The following DNAJB6 variants were observed in gnomAD, a reference collection of about 807,000 sequenced individuals.
The protein encoded by DNAJB6 is DnaJ heat shock protein family (Hsp40) member B6.
In DNAJB6, 16 loss-of-function variants were observed where a neutral mutation model predicts 42.7. The observed-to-expected ratio is 0.37, with a 90% CI of 0.25 to 0.57. DNAJB6 has a LOEUF of 0.57. DNAJB6 is among the 20% of genes least tolerant of loss of function. The pLI, the probability that DNAJB6 is intolerant of heterozygous loss-of-function variation, is 0.74. For synonymous variants in DNAJB6, 170 were observed against 163.5 expected, an observed-to-expected ratio of 1.04 and a Z score of -0.30; for missense variants, 347 against 416.8, an observed-to-expected ratio of 0.83 and a Z score of 1.46.
At chr7:157,407,512 G>A (rs972280498) in intron 8 of DNAJB6, among the ~76,000 whole-genome samples, 12 of 152,322 alleles carry the variant, frequency 7.9e-5, no homozygotes, top group African/African-American at 2.4e-4. Flanking sequence ...AGGCAGGAAC[G>A]GGCTTAGCAC....
At chr7:157,343,637 CG>C in intron 1 of DNAJB6, among the ~76,000 whole-genome samples, 1 of 152,106 alleles carries the variant, frequency 6.6e-6, no homozygotes, top group East Asian at 1.9e-4. Context: ...TTAGTAGAGA[CG>C]GGGTTTCACC....
At position 157,384,913 on chromosome 7, in the gene DNAJB6, C is replaced by A; in HGVS notation, c.525C>A (p.Phe175Leu). 1 of 1,613,672 alleles carries A rather than the reference C, an allele frequency of 6.2e-7. No homozygotes were observed. Among genetic ancestry groups the A allele is most frequent in the East Asian group, 2.2e-5 (1 of 44,880 alleles). Residue 175 changes from phenylalanine to leucine, a missense_variant, in exon 7 of 10, where the codon TTC becomes TTA. Transcript: ENST00000262177. ...GSLGHGGLTSFSSTSFGGSGM... is the reference protein window; with the variant it reads ...GSLGHGGLTSLSSTSFGGSGM... The stretch of plus-strand genomic sequence containing the variant: ...TAGGTCACGGGGGCCTCACTTCATT[C>A]TCTTCCACGTCATTTGGTGGTAGTG...
chr7:157,357,137 A>T (rs1421103891), intron 1 of DNAJB6, among the ~76,000 whole-genome samples: 4 of 141,664 alleles, frequency 2.8e-5, no homozygotes, highest in South Asian at 2.2e-4. Context: ...TGTCTCAATT[A>T]AAAAAAAAAA....
chr7:157,382,371 G>C lies in DNAJB6; in HGVS notation c.472G>C (p.Asp158His). The C allele has an allele frequency of 6.9e-7, 1 of 1,445,416 alleles. No homozygotes were observed. The highest frequency in any genetic ancestry group is 9.3e-7 in the Non-Finnish European group (1 of 1,075,232). 89.5% of individuals were successfully genotyped at this position (1,445,416 alleles called of 1,614,324 possible). A position where few individuals can be genotyped will look rare whatever the true frequency, so the allele number is the denominator to read the frequency against. ...TTTTGGAAGTGGATTTTCTTCTTTT[G>C]ATACAGGTATTAAATCCCTAGGTTT... ...PSFGSGFSSF[D>H]TGFTSFGSLG... Residue 158 changes from aspartate to histidine, a missense_variant, in exon 6 of 10, where the codon GAT becomes CAT. Physicochemically the swap from Asp to His is moderately conservative, Grantham distance 81. This residue lies in a region of DNAJB6 where 264 missense variants were observed against 288.0 expected (regional missense o/e 0.92). Transcript: ENST00000262177.
chr7:157,338,150 C>T (rs993495837), intron 1 of DNAJB6, among the ~76,000 whole-genome samples: 3 of 152,126 alleles, frequency 2.0e-5, no homozygotes, highest in African/African-American at 7.2e-5. Flanking sequence ...AGAGTGAAGA[C>T]CGAAGAAAGG....
chr7:157,351,669 A>C (rs200620094), intron 1 of DNAJB6, among the ~76,000 whole-genome samples: 1,779 of 151,328 alleles, frequency 0.012, 31 homozygotes, highest in East Asian at 0.065. Context: ...AACAAAAAAA[A>C]CCACAAAACT....
At chr7:157,354,404 C>T (rs925866450) in intron 1 of DNAJB6, among the ~76,000 whole-genome samples, 6 of 152,196 alleles carry the variant, frequency 3.9e-5, no homozygotes, top group Non-Finnish European at 7.3e-5. Flanking sequence ...ACCTTGGCCT[C>T]CCAAAGTGCT....
chr7:157,416,713 AT>A lies in DNAJB6; in HGVS notation c.*616del, dbSNP rs1796113663. The A allele has an allele frequency of 6.6e-6, 1 of 152,162 alleles. No individual in the cohort carries two copies. Among genetic ancestry groups the A allele is most frequent in the Non-Finnish European group, 1.5e-5 (1 of 68,062 alleles). The allele number at this position is 152,162 out of a possible 1,614,324, so 9.4% of individuals were successfully genotyped here. On this transcript the variant is annotated 3_prime_UTR_variant, in exon 10 of 10. Transcript: ENST00000262177. ...AGGTAGTGCAAATTCAACTTCAAAT[AT>A]GGTGTAGGTTTTGCTAGATTCCATA...
chr7:157,382,370 T>A lies in DNAJB6; in HGVS notation c.471T>A (p.Phe157Leu). The A allele has an allele frequency of 1.2e-6, 2 of 1,609,504 alleles. No homozygotes were observed. The highest frequency in any genetic ancestry group is 1.1e-5 in the South Asian group (1 of 90,366). The part of the protein sequence containing the change: ...FPSFGSGFSS[F>L]DTGFTSFGSL... ...CTTTTGGAAGTGGATTTTCTTCTTTTGATACAGGTATTAAATCCCTAGGTT... is the reference window on the plus strand; with the variant it reads ...CTTTTGGAAGTGGATTTTCTTCTTTAGATACAGGTATTAAATCCCTAGGTT... Residue 157 changes from phenylalanine to leucine, a missense_variant, in exon 6 of 10, where the codon TTT becomes TTA. Around this residue, in one of 3 missense-constraint regions of DNAJB6, gnomAD observed 264 missense variants for 288.0 expected, o/e 0.92. Coordinates refer to ENST00000262177, the MANE Select transcript of DNAJB6 (RefSeq NM_058246.4).
chr7:157,387,334 A>G (rs1362989470), intron 8 of DNAJB6, among the ~76,000 whole-genome samples: 2 of 152,136 alleles, frequency 1.3e-5, no homozygotes, highest in Non-Finnish European at 2.9e-5. Context: ...GTCTCTGGAT[A>G]AGGTAGGTAT....
intron 6 of DNAJB6, 63 bp downstream of exon 6, chr7:157,382,440 A>G (rs560218112): frequency 1.3e-6 from 2 of 1,516,386 alleles, no homozygotes; most frequent in East Asian, 2.3e-5. Flanking sequence ...TAAAATCATA[A>G]TACTCTTTTA....
intron 8 of DNAJB6, among the ~76,000 whole-genome samples, chr7:157,398,365 CCTCT>C (rs1001982050): frequency 6.6e-6 from 1 of 152,156 alleles, no homozygotes; most frequent in Non-Finnish European, 1.5e-5. Flanking sequence ...GACTAACCCC[CCTCT>C]CTCCCCAAAA....
chr7:157,340,979 T>C lies in DNAJB6; in HGVS notation c.-27+3835T>C, dbSNP rs1285106764. On this transcript the variant is annotated intron_variant, in intron 1 of 9. Transcript: ENST00000262177. ...CCGCACCTGGCTGTGTGTGTGTGTG[T>C]GTGTGTGTGTGTGTGTGTGCGCGCG... Among the ~76,000 whole-genome samples, 7 of 97,646 alleles carry C rather than the reference T, an allele frequency of 7.2e-5. No individual in the cohort carries two copies. In the East Asian group the frequency reaches 2.7e-3, roughly 37 times the overall value. The allele number at this position is 97,646 out of a possible 152,430, so 64.1% of individuals were successfully genotyped here.
chr7:157,356,342 C>A (rs1799273581), intron 1 of DNAJB6, among the ~76,000 whole-genome samples: 1 of 152,206 alleles, frequency 6.6e-6, no homozygotes, highest in Admixed American at 6.5e-5. Flanking sequence ...GCTGGCTTTC[C>A]TGCTGCTTGT....
At chr7:157,396,879 G>A (rs1047633233) in intron 8 of DNAJB6, among the ~76,000 whole-genome samples, 20 of 151,986 alleles carry the variant, frequency 1.3e-4, no homozygotes, top group African/African-American at 3.9e-4. Context: ...TCCACCGCCC[G>A]CCTCCTTTTC....
intron 2 of DNAJB6, 100 bp downstream of exon 2, chr7:157,358,737 T>G: frequency 1.1e-6 from 1 of 925,808 alleles, no homozygotes; most frequent in South Asian, 1.4e-5. Flanking sequence ...GCTTTTAATG[T>G]AGTATACCAG....
chr7:157,351,351 G>C (rs554818217), intron 1 of DNAJB6, among the ~76,000 whole-genome samples: 2 of 152,050 alleles, frequency 1.3e-5, no homozygotes, highest in East Asian at 3.8e-4. Flanking sequence ...GTTGTGGGCC[G>C]GGCACGGTGG....
chr7:157,388,761 T>A (rs571442939), intron 8 of DNAJB6, among the ~76,000 whole-genome samples: 2 of 152,296 alleles, frequency 1.3e-5, no homozygotes, highest in East Asian at 3.9e-4. Context: ...AATCCCTGTT[T>A]GGCATCCTTT....
At chr7:157,383,393 A>C (rs1182059331) in intron 6 of DNAJB6, among the ~76,000 whole-genome samples, 1 of 152,144 alleles carries the variant, frequency 6.6e-6, no homozygotes, top group African/African-American at 2.4e-5. Context: ...TTCCTTCTTC[A>C]TCATGGTCAG....
Sources: allele counts gnomAD v4.1 joint callset (sites outside exome capture counted in the v4.1 genomes callset), GRCh38; gene constraint gnomAD v4.1.1; regional missense constraint gnomAD v4.1.1; transcripts MANE v1.5; gene names NCBI Gene and HGNC (gene_info 2026-07-23, HGNC 2026-07-21).